The following JAKMIP1 variants were observed in gnomAD, a reference collection of about 807,000 sequenced individuals.
JAKMIP1 encodes the protein janus kinase and microtubule-interacting protein 1.
Under a neutral mutation model 113.0 loss-of-function variants are expected in JAKMIP1, and 33 were observed. The ratio of observed to expected loss-of-function variants is 0.29; its 90% CI spans 0.22 to 0.39. The LOEUF is 0.39. Ranked by LOEUF, JAKMIP1 falls within the 10% of genes least tolerant of loss-of-function variation. The probability of loss-of-function intolerance (pLI) is 1.00; values close to 1 mark genes in which losing one functional copy is unlikely to be tolerated. For synonymous variants in JAKMIP1, 480 were observed against 459.9 expected (o/e 1.04, Z -0.56); for missense variants, 813 against 1,080.5 (o/e 0.75, Z 3.47).
Position 6,100,357 on chromosome 4 carries a change from A to G in JAKMIP1, c.624+5116T>C, listed in dbSNP as rs73795725. ...ATGAGGTCTTTTGTGTCTAGCTTCT[A>G]TCATTTAGCATAATGTTTCTGAGGT... On this transcript the variant is annotated intron_variant, in intron 3 of 20. Transcript: ENST00000409021. Among the ~76,000 whole-genome samples, 1,163 of 152,320 alleles carry G rather than the reference A, an allele frequency of 7.6e-3. 9 individuals are homozygous for G. Among genetic ancestry groups the G allele is most frequent in the African/African-American group, 0.027 (1,106 of 41,562 alleles).
chr4:6,064,488 C>T lies in JAKMIP1; in HGVS notation c.1431+392G>A, dbSNP rs1207663191. Among the ~76,000 whole-genome samples the T allele has an allele frequency of 6.6e-6, 1 of 152,082 alleles. No homozygotes were observed. Among genetic ancestry groups the T allele is most frequent in the Non-Finnish European group, 1.5e-5 (1 of 68,024 alleles). On this transcript the variant is annotated intron_variant, in intron 9 of 20. Transcript: ENST00000409021. The surrounding 1 kb of genome is among the most constrained non-coding windows in gnomAD (Gnocchi z 4.3). ...AAGAAAGCAATGATGCTGTTTCTGCCCGGTGGTGTGTCCGTGTGTGCACAC... is the reference window on the plus strand; with the variant it reads ...AAGAAAGCAATGATGCTGTTTCTGCTCGGTGGTGTGTCCGTGTGTGCACAC...
At chr4:6,047,396 C>T (rs1386911513) in intron 16 of JAKMIP1, among the ~76,000 whole-genome samples, 3 of 152,218 alleles carry the variant, frequency 2.0e-5, no homozygotes, top group Non-Finnish European at 2.9e-5. Context: ...TAGGCAGCCA[C>T]GGAGGGTTTT....
At chr4:6,066,569 C>G (rs13110482) in intron 8 of JAKMIP1, among the ~76,000 whole-genome samples, 9 of 152,114 alleles carry the variant, frequency 5.9e-5, no homozygotes, top group African/African-American at 7.2e-5. Flanking sequence ...AACACCGCAC[C>G]TCCCGCAATC....
rs184490351 is a variant in JAKMIP1, at chr4:6,115,467, T to C, written c.-147-2470A>G. ...TTTATAGTTTCAATTGTCTGCTATA[T>C]ATATATTTGCTCATTATTTTCACTC... is the stretch of plus-strand genomic sequence containing the variant. On this transcript the variant is annotated intron_variant, in intron 1 of 20. Coordinates refer to ENST00000409021, the MANE Select transcript of JAKMIP1 (RefSeq NM_001099433.2). Among the ~76,000 whole-genome samples, 262 of 152,352 alleles carry C rather than the reference T, an allele frequency of 1.7e-3. 1 individual carries two copies. Among genetic ancestry groups the C allele is most frequent in the African/African-American group, 5.9e-3 (245 of 41,574 alleles).
intron 20 of JAKMIP1, among the ~76,000 whole-genome samples, chr4:6,026,866 A>C (rs1216577848): frequency 7.1e-6 from 1 of 140,690 alleles, no homozygotes; most frequent in African/African-American, 2.6e-5. Flanking sequence ...ATTTCTTTGC[A>C]TTTTTTTTTT....
Position 6,192,717 on chromosome 4 carries a change from T to A in JAKMIP1, c.-148+7536A>T, listed in dbSNP as rs1727408017. Among the ~76,000 whole-genome samples the A allele has an allele frequency of 6.6e-6, 1 of 152,180 alleles. No individual in the cohort carries two copies. Among genetic ancestry groups the A allele is most frequent in the African/African-American group, 2.4e-5 (1 of 41,446 alleles). On this transcript the variant is annotated intron_variant, in intron 1 of 20. Coordinates refer to ENST00000409021, the MANE Select transcript of JAKMIP1 (RefSeq NM_001099433.2). This position sits in a 1 kb window ranked among gnomAD's most constrained non-coding sequence, Gnocchi z 5.0. ...GGAGGAGAAACCCCACAGGCAGGGT[T>A]CCTGCCCTCATAGTGCTTGATTCTA...
intron 1 of JAKMIP1, among the ~76,000 whole-genome samples, chr4:6,174,318 T>G (rs1424805309): frequency 6.6e-6 from 1 of 152,156 alleles, no homozygotes; most frequent in Non-Finnish European, 1.5e-5. Context: ...AAAGTAAAAT[T>G]TAATGACAAT....
rs1425307982 is a variant in JAKMIP1, at chr4:6,167,990, G to T, written c.-148+32263C>A. ...AGTCCGCCCATCCTCCACATCACCC[G>T]GTGTTCAACAGGGAAGACACACAAA... On this transcript the variant is annotated intron_variant, in intron 1 of 20. Transcript: ENST00000409021. The surrounding 1 kb of genome is among the most constrained non-coding windows in gnomAD (Gnocchi z 5.3). Among the ~76,000 whole-genome samples the T allele has an allele frequency of 2.0e-5, 3 of 152,134 alleles. No individual in the cohort carries two copies. Among genetic ancestry groups the T allele is most frequent in the Non-Finnish European group, 2.9e-5 (2 of 68,032 alleles).
At chr4:6,119,623 C>T (rs932313226) in intron 1 of JAKMIP1, among the ~76,000 whole-genome samples, 1 of 152,170 alleles carries the variant, frequency 6.6e-6, no homozygotes, top group African/African-American at 2.4e-5. Flanking sequence ...TGCCGGAAGG[C>T]AACCAGCTCC....
intron 20 of JAKMIP1, among the ~76,000 whole-genome samples, chr4:6,027,052 T>C (rs953614022): frequency 4.6e-5 from 7 of 151,818 alleles, no homozygotes; most frequent in Non-Finnish European, 1.0e-4. Context: ...TTGTGCCATT[T>C]GATTAGTCTA....
rs1325791885 is a variant in JAKMIP1 at position 6,088,448 on chromosome 4, C to G, written c.625-2819G>C. Among the ~76,000 whole-genome samples, 1 of 152,178 alleles carries G rather than the reference C, an allele frequency of 6.6e-6. No homozygotes were observed. The highest frequency in any genetic ancestry group is 2.4e-5 in the African/African-American group (1 of 41,450). On this transcript the variant is annotated intron_variant, in intron 3 of 20. Transcript: ENST00000409021. This position sits in a 1 kb window ranked among gnomAD's most constrained non-coding sequence, Gnocchi z 5.5. ...CACTAGCTCCCCACAAAAGACAGCA[C>G]CGTCGCGAGCAAGACATCTCCAGGA...
intron 1 of JAKMIP1, among the ~76,000 whole-genome samples, chr4:6,169,491 C>G (rs757340801): frequency 1.6e-4 from 24 of 152,136 alleles, no homozygotes; most frequent in Non-Finnish European, 1.0e-4. Flanking sequence ...TCAGAGAGAG[C>G]ATGGCCCTGC....
rs1396749411 is a variant in JAKMIP1, at chr4:6,192,612, G to C, written c.-148+7641C>G. The stretch of plus-strand genomic sequence containing the variant: ...CGAGCACTCGATCACAGAGCTAGCA[G>C]GGTGGAGTTCGGAAATTAAGTCAAT... On this transcript the variant is annotated intron_variant, in intron 1 of 20. Coordinates refer to ENST00000409021, the MANE Select transcript of JAKMIP1 (RefSeq NM_001099433.2). The surrounding 1 kb of genome is among the most constrained non-coding windows in gnomAD (Gnocchi z 5.0). Among the ~76,000 whole-genome samples, 1 of 152,200 alleles carries C rather than the reference G, an allele frequency of 6.6e-6. No individual in the cohort carries two copies. Among genetic ancestry groups the C allele is most frequent in the Non-Finnish European group, 1.5e-5 (1 of 68,044 alleles).
chr4:6,161,416 G>A (rs998116277), intron 1 of JAKMIP1, among the ~76,000 whole-genome samples: 2 of 149,764 alleles, frequency 1.3e-5, no homozygotes, highest in African/African-American at 5.1e-5. Context: ...TAGCTGGCAG[G>A]TGTGCTAAAG....
rs957312282 is a variant in JAKMIP1 at position 6,044,096 on chromosome 4, A to C, written c.2029-1869T>G. 6.6e-6 allele frequency among the ~76,000 whole-genome samples: 1 copy of C among 151,966 alleles called. No individual in the cohort carries two copies. Among genetic ancestry groups the C allele is most frequent in the East Asian group, 1.9e-4 (1 of 5,136 alleles). On this transcript the variant is annotated intron_variant, in intron 16 of 20. Coordinates refer to ENST00000409021, the MANE Select transcript of JAKMIP1 (RefSeq NM_001099433.2). The surrounding 1 kb of genome is among the most constrained non-coding windows in gnomAD (Gnocchi z 4.4). The stretch of plus-strand genomic sequence containing the variant: ...GAGCTAGCTGTCACCTCCTCCAGGA[A>C]GCCTACCCTGCTTGAGTCCGTGGGG...
chr4:6,044,558 A>G lies in JAKMIP1; in HGVS notation c.2029-2331T>C, dbSNP rs138054841. ...CGTGGTTTCTTAGAAACAGATAAGC[A>G]TATTTTGGATGGGGAGTTACAGGTA... On this transcript the variant is annotated intron_variant, in intron 16 of 20. Transcript: ENST00000409021. The surrounding 1 kb of genome is among the most constrained non-coding windows in gnomAD (Gnocchi z 4.4). 1.9e-3 allele frequency among the ~76,000 whole-genome samples: 285 copies of G among 152,252 alleles called. 1 individual carries two copies. The highest frequency in any genetic ancestry group is 6.5e-3 in the African/African-American group (271 of 41,564).
intron 3 of JAKMIP1, among the ~76,000 whole-genome samples, chr4:6,100,965 G>A (rs1712917518): frequency 6.6e-6 from 1 of 152,026 alleles, no homozygotes; most frequent in Non-Finnish European, 1.5e-5. Context: ...GTGGTTATAG[G>A]TATTGAACAT....
At chr4:6,027,660 C>T (rs1712043290) in intron 20 of JAKMIP1, among the ~76,000 whole-genome samples, 1 of 152,200 alleles carries the variant, frequency 6.6e-6, no homozygotes, top group African/African-American at 2.4e-5. Context: ...CCAGCTTCCG[C>T]AACTCCCTTC....
chr4:6,100,962 T>C (rs1432502072), intron 3 of JAKMIP1, among the ~76,000 whole-genome samples: 1 of 152,264 alleles, frequency 6.6e-6, no homozygotes, highest in Admixed American at 6.5e-5. Context: ...TTTGTGGTTA[T>C]AGGTATTGAA....
Sources: allele counts gnomAD v4.1 joint callset (sites outside exome capture counted in the v4.1 genomes callset), GRCh38; gene constraint gnomAD v4.1.1; non-coding constraint Gnocchi (gnomAD v3.1); transcripts MANE v1.5; gene names NCBI Gene and HGNC (gene_info 2026-07-23, HGNC 2026-07-21).